The following ZNF292 variants were observed in gnomAD, a reference collection of about 807,000 sequenced individuals.
The protein encoded by ZNF292 is 16 zinc-finger domain protein.
ZNF292 carries 26 observed loss-of-function variants against 217.9 expected under a neutral mutation model. That is an observed-to-expected ratio of 0.12 (90% CI 0.09 to 0.17). The LOEUF (loss-of-function observed/expected upper bound fraction) is 0.17, where lower values mean the gene tolerates loss of function less well. ZNF292 is among the 10% of genes least tolerant of loss of function. The pLI is 1.00. For synonymous variants in ZNF292, 1,257 were observed against 1,124.1 expected (o/e 1.12, Z -2.37); for missense variants, 2,904 against 3,175.2 (o/e 0.91, Z 2.05).
At chr6:87,161,948 C>T (rs1770767814) in intron 1 of ZNF292, among the ~76,000 whole-genome samples, 1 of 152,146 alleles carries the variant, frequency 6.6e-6, no homozygotes, top group Non-Finnish European at 1.5e-5. Flanking sequence ...CTTTCCCTCC[C>T]CCCAAAAGCA....
Position 87,259,872 on chromosome 6 carries a change from G to C in ZNF292, c.6243G>C (p.Lys2081Asn). The C allele has an allele frequency of 2.5e-6, 4 of 1,613,430 alleles. No individual in the cohort carries two copies. The highest frequency in any genetic ancestry group is 2.2e-5 in the South Asian group (2 of 91,054). ...CAAACACACAAACCAAAGGACGGAAGATTAGGAGGCATAAAAAAGAAAAGG... is the reference window on the plus strand; with the variant it reads ...CAAACACACAAACCAAAGGACGGAACATTAGGAGGCATAAAAAAGAAAAGG... ...ALTNTQTKGR[K>N]IRRHKKEKEE... The change falls in exon 8 of 8, where the codon AAG (lysine) becomes AAC (asparagine). Residue 2081 changes from lysine (K) to asparagine (N), a missense_variant. Transcript: ENST00000369577.
chr6:87,172,737 C>A (rs1261915904), intron 1 of ZNF292, among the ~76,000 whole-genome samples: 3 of 151,866 alleles, frequency 2.0e-5, no homozygotes, highest in East Asian at 3.9e-4. Context: ...AAAACCTCAT[C>A]TCTATAAAAA....
intron 4 of ZNF292, among the ~76,000 whole-genome samples, chr6:87,229,289 A>T (rs1773527395): frequency 6.6e-6 from 1 of 152,014 alleles, no homozygotes; most frequent in African/African-American, 2.4e-5. Flanking sequence ...AAATTTGTTT[A>T]TTAGTTGCAG....
At chr6:87,249,683 C>T (rs1774802421) in intron 7 of ZNF292, among the ~76,000 whole-genome samples, 1 of 151,984 alleles carries the variant, frequency 6.6e-6, no homozygotes, top group Admixed American at 6.6e-5. Flanking sequence ...AGGTTAACCT[C>T]GATGTAGTGA....
chr6:87,195,825 C>T (rs1344476995), intron 1 of ZNF292, among the ~76,000 whole-genome samples: 2 of 151,738 alleles, frequency 1.3e-5, no homozygotes, highest in African/African-American at 2.4e-5. Context: ...GTCAGGAGTT[C>T]GAGACCAGCC....
intron 4 of ZNF292, among the ~76,000 whole-genome samples, chr6:87,219,130 T>G (rs1408103681): frequency 6.6e-6 from 1 of 152,220 alleles, no homozygotes; most frequent in African/African-American, 2.4e-5. Context: ...GTCTCTAAGA[T>G]TAAAATGCTT....
In ZNF292 at chr6:87,256,565, A is replaced by G. The variant is rs773606116; in HGVS notation, c.2936A>G (p.Asn979Ser). The G allele has an allele frequency of 1.1e-5, 18 of 1,613,554 alleles. No homozygotes were observed. The highest frequency in any genetic ancestry group is 1.3e-5 in the Non-Finnish European group (15 of 1,179,838). The change falls in exon 8 of 8, where the codon AAT becomes AGT. Residue 979 changes from asparagine to serine, a missense_variant. Around this residue, in one of 15 missense-constraint regions of ZNF292, gnomAD observed 687 missense variants for 623.0 expected, o/e 1.10. Transcript: ENST00000369577. ...CATACGCCAGTTGAAGATACTTGTA[A>G]TGATTTGTGTCATCCAGGTTTCCAG... ...DLHTPVEDTC[N>S]DLCHPGFQER... is the part of the protein sequence containing the mutation.
intron 1 of ZNF292, among the ~76,000 whole-genome samples, chr6:87,186,507 C>T (rs540871462): frequency 1.3e-5 from 2 of 152,298 alleles, no homozygotes; most frequent in African/African-American, 4.8e-5. Context: ...CAGTTAGCTG[C>T]TAAAGAAAAC....
In ZNF292 at chr6:87,254,596, A is replaced by G. The variant is rs1562179572; in HGVS notation, c.1021-54A>G. The G allele has an allele frequency of 4.9e-6, 7 of 1,427,828 alleles. No individual in the cohort carries two copies. The South Asian group carries it at 9.6e-5, about 20-fold the overall frequency. The allele number at this position is 1,427,828 out of a possible 1,614,324, so 88.4% of individuals were successfully genotyped here. A position where few individuals can be genotyped will look rare whatever the true frequency, so the allele number is the denominator to read the frequency against. ...CAATCTTAACTAAATTCTGAAATAA[A>G]TTAGTGTTGATTAGTGTAGATTAAA... On this transcript the variant is annotated intron_variant, in intron 7 of 7. Coordinates refer to ENST00000369577, the MANE Select transcript of ZNF292 (RefSeq NM_015021.3).
intron 4 of ZNF292, among the ~76,000 whole-genome samples, chr6:87,230,728 C>T (rs1040159782): frequency 9.4e-5 from 14 of 148,268 alleles, no homozygotes; most frequent in Non-Finnish European, 1.6e-4. Flanking sequence ...AGAGAGACTC[C>T]GTCTTAAAAA....
At chr6:87,192,260 A>G (rs751954048) in intron 1 of ZNF292, among the ~76,000 whole-genome samples, 79 of 152,178 alleles carry the variant, frequency 5.2e-4, no homozygotes, top group Non-Finnish European at 9.8e-4. Flanking sequence ...TGTATGTAAG[A>G]AGGTCCAATT....
intron 4 of ZNF292, among the ~76,000 whole-genome samples, chr6:87,225,433 C>G (rs1316645435): frequency 2.6e-5 from 4 of 152,048 alleles, no homozygotes; most frequent in African/African-American, 9.7e-5. Context: ...TATCTAAAAT[C>G]TCATCGTGAA....
intron 1 of ZNF292, among the ~76,000 whole-genome samples, chr6:87,171,214 G>A (rs1232328375): frequency 5.3e-5 from 8 of 152,116 alleles, no homozygotes; most frequent in Non-Finnish European, 8.8e-5. Flanking sequence ...TGTGCCAGGA[G>A]ATTAGTGGCT....
chr6:87,253,082 CT>C (rs11387490), intron 7 of ZNF292, among the ~76,000 whole-genome samples: 12 of 145,950 alleles, frequency 8.2e-5, no homozygotes, highest in African/African-American at 7.5e-5. Flanking sequence ...AATTTTTTTT[CT>C]TTTTTTTTTG....
chr6:87,156,240 G>C (rs1410374763), intron 1 of ZNF292, among the ~76,000 whole-genome samples: 2 of 152,064 alleles, frequency 1.3e-5, no homozygotes, highest in East Asian at 1.9e-4. Flanking sequence ...CCCCAGCCCC[G>C]GCCCTGTCCT....
chr6:87,156,886 CTTTGA>C (rs1562114256), intron 1 of ZNF292, among the ~76,000 whole-genome samples: 1 of 152,148 alleles, frequency 6.6e-6, no homozygotes, highest in African/African-American at 2.4e-5. Flanking sequence ...CTGGTGAAGA[CTTTGA>C]TTTGATTGTC....
chr6:87,188,718 AT>A lies in ZNF292; in HGVS notation c.169-27176del, dbSNP rs1289356862. ...TATTAATATATAGCCAGCCGTAGTA[AT>A]TTTTTTTTATTAAACAGTTTAATTC... On this transcript the variant is annotated intron_variant, in intron 1 of 7. Transcript: ENST00000369577. 1.1e-4 allele frequency among the ~76,000 whole-genome samples: 16 copies of A among 149,318 alleles called. No homozygotes were observed. The South Asian group carries it at 2.4e-3, about 22-fold the overall frequency.
At chr6:87,165,808 G>T (rs192983516) in intron 1 of ZNF292, among the ~76,000 whole-genome samples, 2 of 148,700 alleles carry the variant, frequency 1.3e-5, no homozygotes, top group African/African-American at 5.0e-5. Flanking sequence ...TCCCAGGCTG[G>T]AGTGCAGTGG....
chr6:87,239,289 G>A (rs1554203340), intron 5 of ZNF292, among the ~76,000 whole-genome samples: 2 of 151,826 alleles, frequency 1.3e-5, no homozygotes, highest in Non-Finnish European at 2.9e-5. Flanking sequence ...CCCGGACGGG[G>A]CGCCAGCTGG....
Sources: gnomAD v4.1 joint callset for allele counts (sites outside exome capture counted in the v4.1 genomes callset) on GRCh38, gnomAD v4.1.1 for gene constraint, gnomAD v4.1.1 regional missense constraint, MANE v1.5 for transcripts, NCBI Gene and HGNC (gene_info 2026-07-23, HGNC 2026-07-21) for gene names.